Variants in NETO1 observed in about 807,000 individuals in gnomAD.
The protein encoded by NETO1 is neuropilin and tolloid-like protein 1.
A neutral mutation model predicts 61.3 loss-of-function variants in NETO1; 26 were observed. The ratio of observed to expected loss-of-function variants is 0.42; its 90% confidence interval spans 0.31 to 0.59. The LOEUF (loss-of-function observed/expected upper bound fraction) is 0.59. Ranked by LOEUF, NETO1 falls within the 20% of genes least tolerant of loss-of-function variation. The probability of loss-of-function intolerance (pLI) is 0.12; values close to 1 mark genes in which losing one functional copy is unlikely to be tolerated. For synonymous variants in NETO1, 225 were observed against 225.8 expected, an observed-to-expected ratio of 1.00 and a Z score of 0.03; for missense variants, 531 against 662.8, an observed-to-expected ratio of 0.80 and a Z score of 2.18.
chr18:72,791,141 C>G (rs2072102099), intron 6 of NETO1, among the ~76,000 whole-genome samples: 1 of 152,170 alleles, frequency 6.6e-6, no homozygotes, highest in Admixed American at 6.5e-5. Flanking sequence ...AGATTAATCA[C>G]ATTCTAATTA....
At chr18:72,755,273 G>C (rs11877039) in intron 8 of NETO1, among the ~76,000 whole-genome samples, 5,143 of 152,240 alleles carry the variant, frequency 0.034, 105 homozygotes, top group African/African-American at 0.062. Context: ...CTCTCCTACT[G>C]ACTGTATGAA....
At chr18:72,766,866 A>G (rs1424063268) in intron 7 of NETO1, among the ~76,000 whole-genome samples, 2 of 152,184 alleles carry the variant, frequency 1.3e-5, no homozygotes, top group African/African-American at 4.8e-5. Context: ...AGAAATTACT[A>G]CATACTTTTA....
chr18:72,843,795 A>C (rs575350414), intron 4 of NETO1, among the ~76,000 whole-genome samples: 14 of 152,324 alleles, frequency 9.2e-5, no homozygotes, highest in African/African-American at 3.4e-4. Flanking sequence ...CCGCCAAAAA[A>C]CTGGTGCCAA....
rs1177253775 is a variant in NETO1 at position 72,748,143 on chromosome 18, T to G, written c.*36A>C. The stretch of plus-strand genomic sequence containing the variant: ...TAGAATTTTCTTTTCACAGTCCCCA[T>G]GTTTGTATAAATAGTTCTTCTCTGA... On this transcript the variant is annotated 3_prime_UTR_variant, in exon 11 of 11. Transcript: ENST00000327305. 1 of 981,194 alleles carries G rather than the reference T, an allele frequency of 1.0e-6. No homozygotes were observed. Among genetic ancestry groups the G allele is most frequent in the East Asian group, 1.1e-4 (1 of 8,796 alleles). 60.8% of individuals were successfully genotyped at this position (981,194 alleles called of 1,614,324 possible).
At chr18:72,772,753 A>ATATATCTATATC (rs1160743583) in intron 7 of NETO1, among the ~76,000 whole-genome samples, 3 of 32,054 alleles carry the variant, frequency 9.4e-5, no homozygotes, top group African/African-American at 3.3e-4. Flanking sequence ...ATCTCTCTAT[A>ATATATCTATATC]TATATCTATA....
intron 8 of NETO1, among the ~76,000 whole-genome samples, chr18:72,753,173 C>T (rs542055847): frequency 6.2e-4 from 88 of 140,822 alleles, no homozygotes; most frequent in African/African-American, 2.2e-3. Context: ...TCAACAAATT[C>T]CAAGTAGGAT....
chr18:72,788,555 T>C (rs575274924), intron 6 of NETO1, among the ~76,000 whole-genome samples: 1 of 151,930 alleles, frequency 6.6e-6, no homozygotes, highest in Non-Finnish European at 1.5e-5. Context: ...TTTAGTCACT[T>C]ACTGAAAAAA....
At chr18:72,813,630 A>G (rs1485356214) in intron 4 of NETO1, among the ~76,000 whole-genome samples, 1 of 152,184 alleles carries the variant, frequency 6.6e-6, no homozygotes, top group African/African-American at 2.4e-5. Flanking sequence ...ATAACTAAAT[A>G]AATGTAGAAA....
intron 4 of NETO1, among the ~76,000 whole-genome samples, chr18:72,829,061 G>A (rs1313081783): frequency 6.6e-6 from 1 of 151,784 alleles, no homozygotes; most frequent in Non-Finnish European, 1.5e-5. Context: ...ATGGGAAAAA[G>A]GAACACTCCA....
intron 8 of NETO1, among the ~76,000 whole-genome samples, chr18:72,754,319 A>G (rs1478637701): frequency 1.3e-5 from 2 of 152,188 alleles, no homozygotes; most frequent in African/African-American, 2.4e-5. Context: ...AATGGAATAT[A>G]TAAGTCCAAC....
intron 7 of NETO1, among the ~76,000 whole-genome samples, chr18:72,765,858 T>G (rs148843186): frequency 6.6e-6 from 1 of 152,308 alleles, no homozygotes; most frequent in Non-Finnish European, 1.5e-5. Context: ...AGATATCAAT[T>G]ATGAGTAATC....
At chr18:72,806,112 A>C (rs1219693735) in intron 4 of NETO1, among the ~76,000 whole-genome samples, 1 of 152,064 alleles carries the variant, frequency 6.6e-6, no homozygotes, top group Admixed American at 6.6e-5. Context: ...CGTCCTTTTC[A>C]CCCTGAAGCC....
At chr18:72,859,727 T>G (rs1254861242) in intron 3 of NETO1, among the ~76,000 whole-genome samples, 1 of 152,152 alleles carries the variant, frequency 6.6e-6, no homozygotes, top group Non-Finnish European at 1.5e-5. Flanking sequence ...TGTCTTGTCT[T>G]CTAAGAAAGT....
At chr18:72,867,218 A>G (rs918804006) in intron 1 of NETO1, 46 bp downstream of exon 1, 12 of 1,453,218 alleles carry the variant, frequency 8.3e-6, no homozygotes, top group Non-Finnish European at 1.0e-5. Context: ...AAGGGGCGGG[A>G]GGGCTGGCTC....
chr18:72,853,145 AATT>A (rs2074306406), intron 4 of NETO1, among the ~76,000 whole-genome samples: 2 of 152,086 alleles, frequency 1.3e-5, no homozygotes, highest in South Asian at 4.1e-4. Context: ...ACACATTGGT[AATT>A]TTCTCAGTGC....
At chr18:72,759,833 C>A (rs552129998) in intron 7 of NETO1, among the ~76,000 whole-genome samples, 110 of 152,272 alleles carry the variant, frequency 7.2e-4, no homozygotes, top group Non-Finnish European at 4.1e-4. Context: ...TGCTTTATTT[C>A]CTAGTGATTT....
In NETO1 at chr18:72,761,650, A is replaced by G. The variant is rs17086294; in HGVS notation, c.869-5503T>C. On this transcript the variant is annotated intron_variant, in intron 7 of 10. Transcript: ENST00000327305. The stretch of plus-strand genomic sequence containing the variant: ...TTTTTGCAGACATGTAAATGATCCG[A>G]TAGAATTGAGGCTTGGATAACAGGG... Among the ~76,000 whole-genome samples, 400 of 152,338 alleles carry G rather than the reference A, an allele frequency of 2.6e-3. 8 individuals are homozygous for G. The East Asian group carries it at 0.038, about 15-fold the overall frequency.
intron 4 of NETO1, among the ~76,000 whole-genome samples, chr18:72,799,288 A>G (rs923069226): frequency 8.5e-5 from 13 of 152,230 alleles, no homozygotes; most frequent in African/African-American, 3.1e-4. Context: ...CATGGTATGC[A>G]ATCTGGGATG....
intron 3 of NETO1, among the ~76,000 whole-genome samples, chr18:72,863,878 C>T (rs1599194702): frequency 6.6e-6 from 1 of 152,048 alleles, no homozygotes; most frequent in Admixed American, 6.5e-5. Context: ...ATACTGAAAA[C>T]TTCCATCACC....
Sources: allele counts gnomAD v4.1 joint callset (sites outside exome capture counted in the v4.1 genomes callset), GRCh38; gene constraint gnomAD v4.1.1; transcripts MANE v1.5; gene names NCBI Gene and HGNC (gene_info 2026-07-23, HGNC 2026-07-21).